Variants in SGCZ observed in about 807,000 individuals in gnomAD.
The protein encoded by SGCZ is sarcoglycan zeta.
SGCZ carries 40 observed loss-of-function variants against 41.3 expected under a neutral mutation model. That is an observed-to-expected ratio of 0.97 (90% CI 0.75 to 1.26). The LOEUF (loss-of-function observed/expected upper bound fraction) is 1.26, where lower values mean the gene tolerates loss of function less well. SGCZ is among the 50% of genes most tolerant of loss of function. The pLI is 0.00. For missense variants in SGCZ, 552 were observed against 369.8 expected, an observed-to-expected ratio of 1.49 and a Z score of -4.04; for synonymous variants, 206 against 137.5, an observed-to-expected ratio of 1.50 and a Z score of -3.49.
chr8:15,040,486 A>C lies in SGCZ; in HGVS notation c.39+197099T>G, dbSNP rs542301557. Among the ~76,000 whole-genome samples, 18 of 152,154 alleles carry C rather than the reference A, an allele frequency of 1.2e-4. No homozygotes were observed. The South Asian group carries it at 1.7e-3, about 14-fold the overall frequency. ...AAAAAAATTAGCCGGGAGTGGTGGC[A>C]GGCATCTGTAATCCCAGCTACTCGG... On this transcript the variant is annotated intron_variant, in intron 1 of 7. Coordinates refer to ENST00000382080, the MANE Select transcript of SGCZ (RefSeq NM_139167.4).
At chr8:14,670,681 A>G (rs375165053) in intron 1 of SGCZ, among the ~76,000 whole-genome samples, 1 of 152,152 alleles carries the variant, frequency 6.6e-6, no homozygotes, top group African/African-American at 2.4e-5. Flanking sequence ...CAGAAATAGC[A>G]CTCTCAATGG....
At chr8:14,959,609 A>G (rs141411014) in intron 1 of SGCZ, among the ~76,000 whole-genome samples, 13 of 152,250 alleles carry the variant, frequency 8.5e-5, no homozygotes, top group African/African-American at 2.9e-4. Context: ...GTATCCACCA[A>G]CAACAGCAGA....
chr8:14,606,605 A>G (rs1159727460), intron 1 of SGCZ, among the ~76,000 whole-genome samples: 1 of 152,158 alleles, frequency 6.6e-6, no homozygotes, highest in Admixed American at 6.6e-5. Flanking sequence ...TTCATTTGTC[A>G]TATCATTCTT....
intron 2 of SGCZ, among the ~76,000 whole-genome samples, chr8:14,548,146 T>C (rs1447174945): frequency 6.6e-6 from 1 of 152,094 alleles, no homozygotes; most frequent in Non-Finnish European, 1.5e-5. Flanking sequence ...TCACACCCAC[T>C]CTACAGAGGA....
intron 2 of SGCZ, among the ~76,000 whole-genome samples, chr8:14,398,950 T>C (rs1403898715): frequency 6.6e-6 from 1 of 152,136 alleles, no homozygotes; most frequent in African/African-American, 2.4e-5. Flanking sequence ...TTCTTTTCTT[T>C]TTAAATTTCA....
chr8:14,984,960 G>A (rs1482900410), intron 1 of SGCZ, among the ~76,000 whole-genome samples: 2 of 152,000 alleles, frequency 1.3e-5, no homozygotes, highest in Non-Finnish European at 2.9e-5. Context: ...AGTATCTGTA[G>A]ATTCCAACAA....
chr8:15,078,480 C>T (rs1275533338), intron 1 of SGCZ, among the ~76,000 whole-genome samples: 1 of 151,970 alleles, frequency 6.6e-6, no homozygotes, highest in Non-Finnish European at 1.5e-5. Context: ...TATTTGCATA[C>T]TTACTCTTTC....
chr8:14,135,296 A>G (rs890273281), intron 5 of SGCZ, among the ~76,000 whole-genome samples: 11 of 152,332 alleles, frequency 7.2e-5, no homozygotes, highest in Middle Eastern at 3.4e-3. Flanking sequence ...CTCCTTCACT[A>G]TCTCTTCCTT....
chr8:14,161,740 T>C (rs1804051419), intron 5 of SGCZ, among the ~76,000 whole-genome samples: 1 of 152,100 alleles, frequency 6.6e-6, no homozygotes, highest in South Asian at 2.1e-4. Flanking sequence ...AATTGGAAAA[T>C]ATAGATCAAT....
intron 1 of SGCZ, among the ~76,000 whole-genome samples, chr8:14,607,712 A>G (rs1563149259): frequency 6.6e-6 from 1 of 152,334 alleles, no homozygotes; most frequent in South Asian, 2.1e-4. Context: ...TACACAATCA[A>G]GAAAAGATAA....
intron 2 of SGCZ, among the ~76,000 whole-genome samples, chr8:14,430,998 A>T (rs1440920878): frequency 2.6e-5 from 4 of 152,200 alleles, no homozygotes; most frequent in African/African-American, 9.6e-5. Context: ...GAGGTGAAAG[A>T]CCTGTACAAG....
intron 2 of SGCZ, among the ~76,000 whole-genome samples, chr8:14,429,692 G>A (rs944928006): frequency 2.0e-5 from 3 of 152,066 alleles, no homozygotes; most frequent in Non-Finnish European, 4.4e-5. Flanking sequence ...GTGGCTAATC[G>A]TCCTTAGAAG....
At chr8:14,543,185 A>T (rs1803522783) in intron 2 of SGCZ, among the ~76,000 whole-genome samples, 1 of 152,058 alleles carries the variant, frequency 6.6e-6, no homozygotes, top group Admixed American at 6.6e-5. Flanking sequence ...AAAACTATGT[A>T]AGTACTTCAG....
intron 2 of SGCZ, among the ~76,000 whole-genome samples, chr8:14,392,872 T>C (rs1804824799): frequency 6.6e-6 from 1 of 152,224 alleles, no homozygotes; most frequent in African/African-American, 2.4e-5. Context: ...GTTATCTTTA[T>C]GTTCTAATAA....
chr8:14,695,849 A>G (rs986278655), intron 1 of SGCZ, among the ~76,000 whole-genome samples: 1 of 152,106 alleles, frequency 6.6e-6, no homozygotes, highest in South Asian at 2.1e-4. Flanking sequence ...AAAACAAGAC[A>G]AAGGCATTGC....
intron 1 of SGCZ, among the ~76,000 whole-genome samples, chr8:14,995,361 A>T (rs1802178776): frequency 6.6e-6 from 1 of 152,186 alleles, no homozygotes; most frequent in African/African-American, 2.4e-5. Context: ...AGAGAAAGTA[A>T]AACTCCATTA....
chr8:14,700,776 A>G (rs1055706039), intron 1 of SGCZ, among the ~76,000 whole-genome samples: 5 of 151,986 alleles, frequency 3.3e-5, no homozygotes, highest in Admixed American at 3.3e-4. Context: ...AAATTAGCTA[A>G]TACTTAAGCA....
At chr8:14,323,550 T>C (rs189538157) in intron 3 of SGCZ, among the ~76,000 whole-genome samples, 19 of 152,212 alleles carry the variant, frequency 1.2e-4, no homozygotes, top group Non-Finnish European at 2.5e-4. Flanking sequence ...AGCTACAATC[T>C]TAATTTTTAG....
chr8:14,581,193 C>T (rs1448102815), intron 1 of SGCZ, among the ~76,000 whole-genome samples: 1 of 152,142 alleles, frequency 6.6e-6, no homozygotes, highest in Non-Finnish European at 1.5e-5. Context: ...CTTGCAACCT[C>T]TGTCTCCCAG....
Sources: gnomAD v4.1 joint callset for allele counts (sites outside exome capture counted in the v4.1 genomes callset) on GRCh38, gnomAD v4.1.1 for gene constraint, MANE v1.5 for transcripts, NCBI Gene and HGNC (gene_info 2026-07-23, HGNC 2026-07-21) for gene names.